Variants in CDK17 observed in about 807,000 individuals in gnomAD.
CDK17 encodes cyclin dependent kinase 17.
CDK17 carries 24 observed loss-of-function variants against 77.6 expected under a neutral mutation model. That is an observed-to-expected ratio of 0.31 (90% CI 0.22 to 0.44). The LOEUF (loss-of-function observed/expected upper bound fraction) is 0.44, where lower values mean the gene tolerates loss of function less well. CDK17 is among the 20% of genes least tolerant of loss of function. The probability of loss-of-function intolerance (pLI) is 1.00; values close to 1 mark genes in which losing one functional copy is unlikely to be tolerated. For missense variants in CDK17, 429 were observed against 622.5 expected, an observed-to-expected ratio of 0.69 and a Z score of 3.31; for synonymous variants, 203 against 210.4, an observed-to-expected ratio of 0.96 and a Z score of 0.30.
At chr12:96,323,278 A>C (rs1424146218) in intron 3 of CDK17, among the ~76,000 whole-genome samples, 3 of 127,662 alleles carry the variant, frequency 2.3e-5, no homozygotes, top group African/African-American at 2.8e-5. Flanking sequence ...TAAAAAAAAA[A>C]AAAAAACAAA....
chr12:96,383,846 C>A (rs1953926114), intron 1 of CDK17, among the ~76,000 whole-genome samples: 1 of 152,104 alleles, frequency 6.6e-6, no homozygotes, highest in South Asian at 2.1e-4. Flanking sequence ...CAGACATCAG[C>A]ATTGGCAAAG....
intron 11 of CDK17, among the ~76,000 whole-genome samples, chr12:96,287,962 C>T (rs941221779): frequency 2.6e-5 from 4 of 151,962 alleles, no homozygotes; most frequent in Non-Finnish European, 5.9e-5. Context: ...GTACTTAGAA[C>T]AGTCAAATTT....
intron 5 of CDK17, among the ~76,000 whole-genome samples, chr12:96,310,192 A>G (rs751653078): frequency 1.8e-4 from 28 of 152,284 alleles, no homozygotes; most frequent in Middle Eastern, 3.4e-3. Flanking sequence ...AAACTCACAA[A>G]CATAACACTG....
At chr12:96,306,120 G>A (rs1284242126) in intron 5 of CDK17, among the ~76,000 whole-genome samples, 6 of 152,082 alleles carry the variant, frequency 3.9e-5, no homozygotes, top group Non-Finnish European at 7.4e-5. Flanking sequence ...GACAACACTG[G>A]GGATCTATGC....
chr12:96,293,621 A>AT (rs1297868319), intron 10 of CDK17, among the ~76,000 whole-genome samples: 1 of 152,228 alleles, frequency 6.6e-6, no homozygotes, highest in Non-Finnish European at 1.5e-5. Context: ...AACAAAACCT[A>AT]TAACGATGAA....
intron 1 of CDK17, among the ~76,000 whole-genome samples, chr12:96,354,455 G>A (rs1391977996): frequency 6.6e-6 from 1 of 152,194 alleles, no homozygotes; most frequent in Non-Finnish European, 1.5e-5. Flanking sequence ...CATTTGCTCT[G>A]TCTTTCCTTT....
At chr12:96,290,282 A>C (rs1792702947) in intron 10 of CDK17, among the ~76,000 whole-genome samples, 1 of 152,370 alleles carries the variant, frequency 6.6e-6, no homozygotes, top group Middle Eastern at 3.4e-3. Context: ...ATTACCTCGA[A>C]GCCTCTAAAT....
chr12:96,306,568 G>A (rs1377434731), intron 5 of CDK17, among the ~76,000 whole-genome samples: 1 of 152,032 alleles, frequency 6.6e-6, no homozygotes, highest in Non-Finnish European at 1.5e-5. Flanking sequence ...TCTAGTACAT[G>A]TGAAGAATAT....
intron 7 of CDK17, 151 bp downstream of exon 7, chr12:96,298,718 T>C: frequency 1.9e-6 from 1 of 533,238 alleles, no homozygotes; most frequent in South Asian, 3.0e-5. Flanking sequence ...AATTAATCCC[T>C]TTGAGTATTT....
intron 1 of CDK17, among the ~76,000 whole-genome samples, chr12:96,373,250 A>G (rs1953720734): frequency 6.6e-6 from 1 of 152,180 alleles, no homozygotes; most frequent in Non-Finnish European, 1.5e-5. Context: ...AGACAGTGAG[A>G]AGTATGACAC....
At chr12:96,308,562 C>T (rs2137099976) in intron 5 of CDK17, among the ~76,000 whole-genome samples, 1 of 151,804 alleles carries the variant, frequency 6.6e-6, no homozygotes, top group South Asian at 2.1e-4. Flanking sequence ...AATCACATCT[C>T]TACTAAAAAT....
chr12:96,373,455 G>C (rs544754946), intron 1 of CDK17, among the ~76,000 whole-genome samples: 1 of 152,016 alleles, frequency 6.6e-6, no homozygotes, highest in Non-Finnish European at 1.5e-5. Flanking sequence ...TTAGCCGGGC[G>C]TGGTGGCAGG....
intron 1 of CDK17, among the ~76,000 whole-genome samples, chr12:96,372,263 C>A (rs1953707551): frequency 1.3e-5 from 2 of 152,006 alleles, no homozygotes; most frequent in African/African-American, 4.8e-5. Flanking sequence ...TAAAGGTTTT[C>A]TTTGGGGGAA....
At chr12:96,390,040 G>A (rs554304543) in intron 1 of CDK17, among the ~76,000 whole-genome samples, 8 of 152,146 alleles carry the variant, frequency 5.3e-5, no homozygotes, top group South Asian at 4.2e-4. Flanking sequence ...ATGTGGGCCA[G>A]GATGGTCTTG....
chr12:96,372,287 G>A (rs1334540573), intron 1 of CDK17, among the ~76,000 whole-genome samples: 1 of 151,762 alleles, frequency 6.6e-6, no homozygotes, highest in African/African-American at 2.4e-5. Context: ...GAGCTGTGAA[G>A]GAAAAAAATC....
chr12:96,310,113 C>T (rs1383467412), intron 5 of CDK17, among the ~76,000 whole-genome samples: 2 of 152,078 alleles, frequency 1.3e-5, no homozygotes, highest in Non-Finnish European at 2.9e-5. Flanking sequence ...AAGTACAGTA[C>T]ACTCATAAAT....
intron 2 of CDK17, among the ~76,000 whole-genome samples, chr12:96,328,239 G>C (rs1231502354): frequency 2.6e-5 from 4 of 152,016 alleles, no homozygotes; most frequent in Admixed American, 2.6e-4. Flanking sequence ...CCTTCAGATG[G>C]GACCATCTAG....
At chr12:96,291,341 G>C (rs1393118190) in intron 10 of CDK17, among the ~76,000 whole-genome samples, 2 of 152,090 alleles carry the variant, frequency 1.3e-5, no homozygotes, top group Admixed American at 1.3e-4. Flanking sequence ...AACCAGGCTA[G>C]AATGAAATGG....
chr12:96,362,372 C>G (rs985174008), intron 1 of CDK17, among the ~76,000 whole-genome samples: 4 of 152,086 alleles, frequency 2.6e-5, no homozygotes, highest in African/African-American at 9.7e-5. Context: ...GCATACACCA[C>G]CATGCCTGGC....
Sources: gnomAD v4.1 joint callset for allele counts (sites outside exome capture counted in the v4.1 genomes callset) on GRCh38, gnomAD v4.1.1 for gene constraint, MANE v1.5 for transcripts, NCBI Gene and HGNC (gene_info 2026-07-23, HGNC 2026-07-21) for gene names.